TRRAP: variants seen among roughly 807,000 people sequenced by gnomAD.
The protein encoded by TRRAP is transformation/transcription domain-associated protein.
TRRAP carries 41 observed loss-of-function variants against 438.8 expected under a neutral mutation model. The ratio of observed to expected loss-of-function variants is 0.09; its 90% confidence interval spans 0.07 to 0.12. The LOEUF (loss-of-function observed/expected upper bound fraction) is 0.12, where lower values mean the gene tolerates loss of function less well. Among genes scored for constraint, TRRAP ranks in the 10% least tolerant of loss-of-function variants. The pLI is 1.00. For synonymous variants in TRRAP, 1,994 were observed against 1,962.9 expected (o/e 1.02, Z -0.42); for missense variants, 3,122 against 5,055.1 (o/e 0.62, Z 11.60).
intron 10 of TRRAP, among the ~76,000 whole-genome samples, 193 bp downstream of exon 10, chr7:98,899,960 G>C (rs1195474872): frequency 6.6e-6 from 1 of 152,210 alleles, no homozygotes; most frequent in African/African-American, 2.4e-5. Context: ...GGAAAGATGA[G>C]ATAATAGCTC....
intron 52 of TRRAP, 105 bp from the exon 53 acceptor site, chr7:98,971,694 C>A: frequency 1.4e-6 from 2 of 1,421,312 alleles, no homozygotes; most frequent in Non-Finnish European, 1.9e-6. Flanking sequence ...AGGAAACGAA[C>A]ACGAATTTTA....
chr7:98,964,497 A>G, intron 47 of TRRAP, 132 bp from the exon 48 acceptor site: 1 of 1,001,476 alleles, frequency 1.0e-6, no homozygotes, highest in Non-Finnish European at 1.5e-6. Context: ...GCCATGTAAA[A>G]GCTCACAGTG....
rs1448654614 is a variant in TRRAP at position 98,967,692 on chromosome 7, C to T, written c.7506C>T (p.Cys2502=). 6.2e-7 allele frequency: 1 copy of T among 1,613,400 alleles called. No homozygotes were observed. Among genetic ancestry groups the T allele is most frequent in the Non-Finnish European group, 8.5e-7 (1 of 1,179,884 alleles). ...GGAACCACTTCTGGATCAAGCAGTG[C>T]ATTGAGGTAGGAAGACTCGGCTCAC... is the stretch of plus-strand genomic sequence containing the variant. ...AMGNHFWIKQ[C]IELLLAVCEK... is the part of the protein sequence containing the mutation. The change falls in exon 51 of 73, where the codon TGC becomes TGT. Residue 2502 remains cysteine, a synonymous_variant. Transcript: ENST00000456197.
At chr7:98,983,530 C>G in intron 60 of TRRAP, 71 bp downstream of exon 60, 1 of 1,565,524 alleles carries the variant, frequency 6.4e-7, no homozygotes, top group Non-Finnish European at 8.7e-7. Flanking sequence ...GGTTTCGTCT[C>G]TGTGTTTTGG....
chr7:98,892,620 T>G, intron 5 of TRRAP, 92 bp downstream of exon 5: 1 of 1,100,610 alleles, frequency 9.1e-7, no homozygotes, highest in Admixed American at 2.9e-5. Context: ...TACAACTGTT[T>G]TATCTTTCTC....
In TRRAP at chr7:98,988,789, C is replaced by T. The variant is rs762573962; in HGVS notation, c.9414C>T (p.Phe3138=). 3 of 1,614,202 alleles carry T rather than the reference C, an allele frequency of 1.9e-6. No homozygotes were observed. Among genetic ancestry groups the T allele is most frequent in the South Asian group, 1.1e-5 (1 of 91,082 alleles). ...GGTCCGAGGAGGCAAACAAAGCCTT[C>T]TCTGCAGCTGTGCAGATGCACGATG... is the stretch of plus-strand genomic sequence containing the variant. The part of the protein sequence containing the change: ...INKSEEANKA[F]SAAVQMHDVL... The change falls in exon 63 of 73, where the codon TTC becomes TTT. Residue 3138 remains phenylalanine, a synonymous_variant. Coordinates refer to ENST00000456197, the MANE Select transcript of TRRAP (RefSeq NM_001375524.1).
In TRRAP at chr7:98,950,237, A is replaced by G; in HGVS notation, c.5309A>G (p.Asn1770Ser). ...FFRFVDFNDPNFGDELKAKVL... is the reference protein window; with the variant it reads ...FFRFVDFNDPSFGDELKAKVL... ...CGCTTTGTAGACTTCAACGACCCCA[A>G]CTTCGGAGATGAATTAAAAGCTAAA... is the stretch of plus-strand genomic sequence containing the variant. Residue 1770 changes from asparagine to serine, a missense_variant, in exon 38 of 73, where the codon AAC becomes AGC. By Grantham distance (46) the Asn-to-Ser change is conservative. Around this residue, in one of 24 missense-constraint regions of TRRAP, gnomAD observed 272 missense variants for 348.5 expected, o/e 0.78. Transcript: ENST00000456197. 1 of 1,614,160 alleles carries G rather than the reference A, an allele frequency of 6.2e-7. No homozygotes were observed. The highest frequency in any genetic ancestry group is 1.1e-5 in the South Asian group (1 of 91,086).
At chr7:98,979,715 G>A (rs1187152816) in intron 58 of TRRAP, among the ~76,000 whole-genome samples, 2 of 152,118 alleles carry the variant, frequency 1.3e-5, no homozygotes, top group Admixed American at 1.3e-4. Context: ...ACATGGTCCC[G>A]AGGTCTCACA....
rs1296279583 is a variant in TRRAP at position 99,005,111 on chromosome 7, A to G, written c.10536-20A>G. The G allele has an allele frequency of 1.9e-6, 3 of 1,611,888 alleles. No homozygotes were observed. The highest frequency in any genetic ancestry group is 2.2e-5 in the East Asian group (1 of 44,876). On this transcript the variant is annotated intron_variant, in intron 68 of 72. Transcript: ENST00000456197. The surrounding 1 kb of genome is among the most constrained non-coding windows in gnomAD (Gnocchi z 5.1). ...TAGCAGAGATGCAGGGCATGTCCTCATGGCTTCTCGCTCTGGCAGGTTCAT... is the reference window on the plus strand; with the variant it reads ...TAGCAGAGATGCAGGGCATGTCCTCGTGGCTTCTCGCTCTGGCAGGTTCAT...
Position 98,976,324 on chromosome 7 carries a change from G to A in TRRAP, c.7959+56G>A. ...AAATTGTAGTTTTAGCTTTTGGTAA[G>A]TATTCATAAAAGAACACAGTCTCGA... is the stretch of plus-strand genomic sequence containing the variant. On this transcript the variant is annotated intron_variant, in intron 54 of 72. Coordinates refer to ENST00000456197, the MANE Select transcript of TRRAP (RefSeq NM_001375524.1). This position sits in a 1 kb window ranked among gnomAD's most constrained non-coding sequence, Gnocchi z 4.6. 1.2e-6 allele frequency: 2 copies of A among 1,605,048 alleles called. No individual in the cohort carries two copies. Among genetic ancestry groups the A allele is most frequent in the East Asian group, 2.2e-5 (1 of 44,746 alleles).
intron 19 of TRRAP, among the ~76,000 whole-genome samples, chr7:98,917,091 G>T (rs1789550716): frequency 6.6e-6 from 1 of 152,138 alleles, no homozygotes; most frequent in Non-Finnish European, 1.5e-5. Flanking sequence ...TTTAAAAACT[G>T]TTTAGAGAAT....
chr7:98,937,590 G>A, intron 29 of TRRAP, 60 bp from the exon 30 acceptor site: 1 of 1,502,320 alleles, frequency 6.7e-7, no homozygotes, highest in South Asian at 1.4e-5. Context: ...GATGAGTTCT[G>A]TTCTATTATG....
chr7:98,926,401 AT>A (rs1224407635), intron 22 of TRRAP, among the ~76,000 whole-genome samples: 1 of 152,242 alleles, frequency 6.6e-6, no homozygotes, highest in Non-Finnish European at 1.5e-5. Flanking sequence ...AAAAGATGAC[AT>A]TCAAATGAAT....
At chr7:98,887,986 C>A (rs1795789820) in intron 3 of TRRAP, among the ~76,000 whole-genome samples, 2 of 152,220 alleles carry the variant, frequency 1.3e-5, no homozygotes, top group South Asian at 4.2e-4. Context: ...AATCCCAACA[C>A]TTTGGGAGGC....
chr7:98,968,841 T>A (rs1584374235), intron 51 of TRRAP, among the ~76,000 whole-genome samples: 2 of 152,364 alleles, frequency 1.3e-5, no homozygotes, highest in African/African-American at 4.8e-5. Flanking sequence ...TGGCCACACC[T>A]GGGCAGAGTT....
chr7:99,006,285 T>A (rs1019353355), intron 69 of TRRAP, among the ~76,000 whole-genome samples: 26 of 152,246 alleles, frequency 1.7e-4, no homozygotes, highest in African/African-American at 6.3e-4. Flanking sequence ...TATGGAACTT[T>A]CTTTTGCCAC....
rs782653639 is a variant in TRRAP at position 98,950,923 on chromosome 7, G to T, written c.5382G>T (p.Lys1794Asn). 4.4e-6 allele frequency: 7 copies of T among 1,605,806 alleles called. No individual in the cohort carries two copies. In the East Asian group the frequency reaches 1.6e-4, roughly 36 times the overall value. The change falls in exon 39 of 73, where the codon AAG becomes AAT. Residue 1794 changes from lysine (K) to asparagine (N), a missense_variant. Lys to Asn is a moderately conservative substitution (Grantham distance 94). Around this residue, in one of 24 missense-constraint regions of TRRAP, gnomAD observed 272 missense variants for 348.5 expected, o/e 0.78. Transcript: ENST00000456197. ...CTGCTTTCTTGTACAGCTTTGAGAA[G>T]GGGGAAGGAGAGCAGCTCTTGGGAC... ...LNPAFLYSFE[K>N]GEGEQLLGPP...
chr7:99,007,995 T>C (rs1354275511), intron 69 of TRRAP, among the ~76,000 whole-genome samples: 1 of 151,846 alleles, frequency 6.6e-6, no homozygotes, highest in Non-Finnish European at 1.5e-5. Context: ...CCGGCTAATT[T>C]TTGTATTTTT....
chr7:98,984,446 TATA>T, intron 61 of TRRAP, 88 bp downstream of exon 61: 1 of 1,450,976 alleles, frequency 6.9e-7, no homozygotes, highest in East Asian at 2.4e-5. Flanking sequence ...TGGTTCAGAA[TATA>T]AGGAAGGTGG....
Sources: allele counts gnomAD v4.1 joint callset (sites outside exome capture counted in the v4.1 genomes callset), GRCh38; gene constraint gnomAD v4.1.1; regional missense constraint gnomAD v4.1.1; non-coding constraint Gnocchi (gnomAD v3.1); transcripts MANE v1.5; gene names NCBI Gene and HGNC (gene_info 2026-07-23, HGNC 2026-07-21).